The following MAP1B variants were observed in gnomAD, a reference collection of about 807,000 sequenced individuals.
The protein encoded by MAP1B is microtubule-associated protein 1B.
MAP1B carries 12 observed loss-of-function variants against 176.1 expected under a neutral mutation model. The observed-to-expected ratio is 0.07, with a 90% CI of 0.04 to 0.11. MAP1B has a LOEUF of 0.11. MAP1B is among the 10% of genes least tolerant of loss of function. MAP1B has a pLI of 1.00. For synonymous variants in MAP1B, 1,044 were observed against 1,135.0 expected (o/e 0.92, Z 1.61); for missense variants, 2,523 against 2,990.5 (o/e 0.84, Z 3.65).
intron 3 of MAP1B, among the ~76,000 whole-genome samples, chr5:72,185,608 GAA>G (rs70999268): frequency 0.085 from 11,407 of 134,906 alleles, 551 homozygotes; most frequent in Middle Eastern, 0.13. Flanking sequence ...CTCAAAAGGA[GAA>G]AAAAAAAAAA....
At chr5:72,120,647 C>T (rs1249382209) in intron 2 of MAP1B, among the ~76,000 whole-genome samples, 7 of 151,956 alleles carry the variant, frequency 4.6e-5, no homozygotes, top group Admixed American at 4.6e-4. Flanking sequence ...AGGATGGTCT[C>T]GATCTCCTGA....
At chr5:72,191,776 A>G (rs1747031278) in intron 4 of MAP1B, among the ~76,000 whole-genome samples, 2 of 152,188 alleles carry the variant, frequency 1.3e-5, no homozygotes, top group Non-Finnish European at 2.9e-5. Context: ...TTGTTCATTC[A>G]CCAGTGTCTC....
At chr5:72,133,351 C>T (rs1222031350) in intron 2 of MAP1B, among the ~76,000 whole-genome samples, 1 of 152,216 alleles carries the variant, frequency 6.6e-6, no homozygotes, top group African/African-American at 2.4e-5. Context: ...AGGTGAGGCG[C>T]TGGAGGCGGG....
chr5:72,176,575 C>G (rs192945103), intron 2 of MAP1B, among the ~76,000 whole-genome samples: 2 of 152,274 alleles, frequency 1.3e-5, no homozygotes, highest in Non-Finnish European at 2.9e-5. Context: ...CTCTAAGGCA[C>G]TCTACACATG....
In MAP1B at chr5:72,205,364, A is replaced by G. The variant is rs1012993902; in HGVS notation, c.*125A>G. 10 of 920,344 alleles carry G rather than the reference A, an allele frequency of 1.1e-5. No individual in the cohort carries two copies. The African/African-American group carries it at 1.3e-4, about 12-fold the overall frequency. The allele number at this position is 920,344 out of a possible 1,614,324, so 57.0% of individuals were successfully genotyped here. ...GCTGAACAATTACCTGCCAAATGCT[A>G]TACTGTGTCATGGTGATGCAAGTCA... On this transcript the variant is annotated 3_prime_UTR_variant, in exon 7 of 7. Coordinates refer to ENST00000296755, the MANE Select transcript of MAP1B (RefSeq NM_005909.5).
intron 2 of MAP1B, among the ~76,000 whole-genome samples, chr5:72,171,002 T>C (rs1746525650): frequency 6.6e-6 from 1 of 152,154 alleles, no homozygotes; most frequent in South Asian, 2.1e-4. Flanking sequence ...CTAGAATATC[T>C]ATCCAAAGCT....
At chr5:72,148,476 C>T (rs1746084344) in intron 2 of MAP1B, among the ~76,000 whole-genome samples, 1 of 152,240 alleles carries the variant, frequency 6.6e-6, no homozygotes, top group Admixed American at 6.5e-5. Flanking sequence ...AAAGACCAGG[C>T]TAGCTAAAAC....
intron 2 of MAP1B, among the ~76,000 whole-genome samples, chr5:72,139,698 G>C (rs1205144910): frequency 6.6e-6 from 1 of 152,180 alleles, no homozygotes; most frequent in East Asian, 1.9e-4. Flanking sequence ...TAAAATGAAA[G>C]CAGAGATCTG....
intron 2 of MAP1B, among the ~76,000 whole-genome samples, chr5:72,141,951 G>T (rs999538254): frequency 6.6e-6 from 1 of 152,174 alleles, no homozygotes; most frequent in Non-Finnish European, 1.5e-5. Context: ...CTCACTGTCT[G>T]CCTGTTTCTC....
chr5:72,163,043 C>T (rs575154731), intron 2 of MAP1B, among the ~76,000 whole-genome samples: 32 of 152,122 alleles, frequency 2.1e-4, no homozygotes, highest in African/African-American at 7.7e-4. Context: ...GCCTGGCCAA[C>T]ATAGTGACAC....
In MAP1B at chr5:72,128,408, T is replaced by TA. The variant is rs35834892; in HGVS notation, c.286+12624dup. Among the ~76,000 whole-genome samples, 869 of 141,184 alleles carry TA rather than the reference T, an allele frequency of 6.2e-3. 6 individuals are homozygous for TA. The highest frequency in any genetic ancestry group is 7.7e-3 in the Non-Finnish European group (496 of 64,370). 92.6% of individuals were successfully genotyped at this position (141,184 alleles called of 152,430 possible). A position where few individuals can be genotyped will look rare whatever the true frequency, so the allele number is the denominator to read the frequency against. On this transcript the variant is annotated intron_variant, in intron 2 of 6. Coordinates refer to ENST00000296755, the MANE Select transcript of MAP1B (RefSeq NM_005909.5). ...GAGTCATTGATTGCAGATATTGTTT[T>TA]AAAAAAAAAAAAAAACACTCAAAAC...
intron 2 of MAP1B, among the ~76,000 whole-genome samples, chr5:72,177,851 G>C (rs1037121568): frequency 6.6e-6 from 1 of 152,044 alleles, no homozygotes; most frequent in African/African-American, 2.4e-5. Context: ...AGAGGTTTCC[G>C]CTCAAAAAAA....
intron 2 of MAP1B, among the ~76,000 whole-genome samples, chr5:72,117,215 A>G (rs1745450148): frequency 6.6e-6 from 1 of 152,248 alleles, no homozygotes; most frequent in Non-Finnish European, 1.5e-5. Context: ...GGTACAGTAT[A>G]AGGTTGTTTC....
intron 2 of MAP1B, among the ~76,000 whole-genome samples, chr5:72,180,679 G>A (rs1038082662): frequency 2.0e-5 from 3 of 152,116 alleles, no homozygotes; most frequent in African/African-American, 7.2e-5. Flanking sequence ...TTCTGTTTTG[G>A]AGTTTATTTT....
At chr5:72,138,592 T>C (rs982611011) in intron 2 of MAP1B, among the ~76,000 whole-genome samples, 1 of 152,208 alleles carries the variant, frequency 6.6e-6, no homozygotes, top group African/African-American at 2.4e-5. Flanking sequence ...ACGTTATTTC[T>C]CTATGTGAAA....
intron 3 of MAP1B, among the ~76,000 whole-genome samples, chr5:72,184,105 G>T (rs1746839322): frequency 6.6e-6 from 1 of 152,248 alleles, no homozygotes; most frequent in Non-Finnish European, 1.5e-5. Flanking sequence ...TGCTGGGGGT[G>T]GTGGGGAGTG....
At chr5:72,182,327 C>T (rs1455435689) in intron 2 of MAP1B, among the ~76,000 whole-genome samples, 1 of 152,132 alleles carries the variant, frequency 6.6e-6, no homozygotes, top group African/African-American at 2.4e-5. Context: ...TTGGAATCAC[C>T]ATGTTTATCC....
In MAP1B at chr5:72,198,164, A is replaced by G; in HGVS notation, c.4809A>G (p.Glu1603=). The G allele has an allele frequency of 6.2e-7, 1 of 1,614,192 alleles. No homozygotes were observed. The highest frequency in any genetic ancestry group is 8.5e-7 in the Non-Finnish European group (1 of 1,180,016). ...TGCAAACACCTACCACATTCCAGGAAACAGAAATGTCTCCATCTAAAGAAG... is the reference window on the plus strand; with the variant it reads ...TGCAAACACCTACCACATTCCAGGAGACAGAAATGTCTCCATCTAAAGAAG... ...SVVQTPTTFQ[E]TEMSPSKEEC... is the part of the protein sequence containing the mutation. The change falls in exon 5 of 7, where the codon GAA becomes GAG. Residue 1603 remains glutamate (E), a synonymous_variant. Transcript: ENST00000296755.
Position 72,209,291 on chromosome 5 carries a change from G to A in MAP1B, c.*4052G>A, listed in dbSNP as rs1046441022. 6.6e-6 allele frequency: 1 copy of A among 152,092 alleles called. No homozygotes were observed. Among genetic ancestry groups the A allele is most frequent in the Non-Finnish European group, 1.5e-5 (1 of 68,030 alleles). 9.4% of individuals were successfully genotyped at this position (152,092 alleles called of 1,614,324 possible). ...CCTCTTTCCAGCACTGGAAAGAAGT[G>A]GTCTTGAGCCCAGCTGAGAAGCACT... On this transcript the variant is annotated 3_prime_UTR_variant, in exon 7 of 7. Coordinates refer to ENST00000296755, the MANE Select transcript of MAP1B (RefSeq NM_005909.5).
Sources: allele counts gnomAD v4.1 joint callset (sites outside exome capture counted in the v4.1 genomes callset), GRCh38; gene constraint gnomAD v4.1.1; transcripts MANE v1.5; gene names NCBI Gene and HGNC (gene_info 2026-07-23, HGNC 2026-07-21).